The following SAMMSON variants were observed in gnomAD, a reference collection of about 807,000 sequenced individuals.
SAMMSON encodes survival associated mitochondrial melanoma specific oncogenic non-coding RNA, also known as long intergenic non-protein coding RNA 1212.
At chr3:70,285,172 G>A (rs1702130980) in intron 6 of SAMMSON, among the ~76,000 whole-genome samples, 1 of 149,560 alleles carries the variant, frequency 6.7e-6, no homozygotes, top group East Asian at 2.0e-4. Flanking sequence ...TTGTCATCTA[G>A]CATTAGGTAT....
At chr3:70,262,838 C>T (rs149041863) in intron 6 of SAMMSON, among the ~76,000 whole-genome samples, 6 of 152,188 alleles carry the variant, frequency 3.9e-5, no homozygotes, top group Admixed American at 3.9e-4. Flanking sequence ...TGTTAGATGA[C>T]CTGATATTGT....
At chr3:70,299,603 G>C (rs1379046745) in intron 7 of SAMMSON, among the ~76,000 whole-genome samples, 1 of 152,082 alleles carries the variant, frequency 6.6e-6, no homozygotes, top group Non-Finnish European at 1.5e-5. Flanking sequence ...TTGGGTGCCA[G>C]CCCTTTGTTT....
intron 4 of SAMMSON, among the ~76,000 whole-genome samples, chr3:70,151,434 A>G (rs1018023896): frequency 6.6e-6 from 1 of 152,004 alleles, no homozygotes; most frequent in Non-Finnish European, 1.5e-5. Flanking sequence ...ATGAGTTACA[A>G]TCCCAACTGG....
At chr3:70,221,677 G>T (rs1701460893) in intron 4 of SAMMSON, among the ~76,000 whole-genome samples, 1 of 152,172 alleles carries the variant, frequency 6.6e-6, no homozygotes, top group Admixed American at 6.5e-5. Context: ...ACTGGTCAAT[G>T]ATGCCAAGGT....
At chr3:70,275,069 G>A (rs1702009996) in intron 6 of SAMMSON, among the ~76,000 whole-genome samples, 2 of 152,158 alleles carry the variant, frequency 1.3e-5, no homozygotes, top group Admixed American at 1.3e-4. Context: ...ATATAAGCCT[G>A]CAGCTGTTAT....
intron 4 of SAMMSON, among the ~76,000 whole-genome samples, chr3:70,124,496 T>A (rs2067447378): frequency 6.6e-6 from 1 of 152,150 alleles, no homozygotes; most frequent in Admixed American, 6.5e-5. Context: ...CATGTAAGCA[T>A]TCTTTTATTA....
At chr3:70,424,382 CTTTAAAATA>C (rs1701337791) in intron 2 of SAMMSON, among the ~76,000 whole-genome samples, 1 of 152,130 alleles carries the variant, frequency 6.6e-6, no homozygotes, top group Non-Finnish European at 1.5e-5. Flanking sequence ...ATTTAGGAAT[CTTTAAAATA>C]TTTAATTTGG....
At chr3:70,089,173 A>T (rs975856837) in intron 4 of SAMMSON, among the ~76,000 whole-genome samples, 12 of 152,196 alleles carry the variant, frequency 7.9e-5, no homozygotes, top group Non-Finnish European at 4.4e-5. Flanking sequence ...CCAAGAAGAT[A>T]GGTTTATTTG....
At chr3:70,293,101 A>C (rs1477494233) in intron 7 of SAMMSON, among the ~76,000 whole-genome samples, 2 of 151,208 alleles carry the variant, frequency 1.3e-5, no homozygotes, top group African/African-American at 2.4e-5. Flanking sequence ...GAAGAAAGAA[A>C]ATTCAGTATT....
At chr3:70,417,905 C>T (rs1701278783) in intron 2 of SAMMSON, among the ~76,000 whole-genome samples, 1 of 152,110 alleles carries the variant, frequency 6.6e-6, no homozygotes, top group African/African-American at 2.4e-5. Context: ...TGAACAGCTC[C>T]CTCATCCTGA....
At chr3:70,032,346 T>C (rs764657121) in intron 3 of SAMMSON, among the ~76,000 whole-genome samples, 1 of 152,194 alleles carries the variant, frequency 6.6e-6, no homozygotes, top group Non-Finnish European at 1.5e-5. Context: ...TAAATTATTT[T>C]AAAGGTAACT....
chr3:70,253,125 G>C (rs2106653707), intron 6 of SAMMSON, among the ~76,000 whole-genome samples: 1 of 152,192 alleles, frequency 6.6e-6, no homozygotes, highest in Admixed American at 6.5e-5. Flanking sequence ...AAATAAAAAA[G>C]TATTTTGGAT....
chr3:70,161,219 G>C (rs1037589976), intron 4 of SAMMSON, among the ~76,000 whole-genome samples: 5 of 151,990 alleles, frequency 3.3e-5, no homozygotes, highest in Non-Finnish European at 7.4e-5. Flanking sequence ...TTGTTGAAAA[G>C]AGGTGGTGAG....
chr3:70,366,599 C>T (rs1215469000), intron 9 of SAMMSON, among the ~76,000 whole-genome samples: 1 of 146,746 alleles, frequency 6.8e-6, no homozygotes, highest in Non-Finnish European at 1.5e-5. Flanking sequence ...TGAAGGACAT[C>T]TTGGTGGTTA....
intron 7 of SAMMSON, among the ~76,000 whole-genome samples, chr3:70,326,274 A>G (rs192606088): frequency 7.8e-4 from 119 of 152,210 alleles, no homozygotes; most frequent in African/African-American, 2.8e-3. Context: ...TGGGTTTGAC[A>G]TTCCAGCTAT....
At chr3:70,041,595 G>A (rs186732318) in intron 3 of SAMMSON, among the ~76,000 whole-genome samples, 124 of 151,768 alleles carry the variant, frequency 8.2e-4, no homozygotes, top group Middle Eastern at 3.4e-3. Context: ...TGAATCTGTG[G>A]ATTCGAGCAA....
intron 4 of SAMMSON, among the ~76,000 whole-genome samples, chr3:70,098,653 C>T (rs930739257): frequency 1.3e-4 from 20 of 152,110 alleles, no homozygotes; most frequent in African/African-American, 4.8e-4. Context: ...AGGTGTGAGC[C>T]ACCACGCCCG....
intron 4 of SAMMSON, among the ~76,000 whole-genome samples, chr3:70,241,941 A>G (rs779638853): frequency 1.3e-5 from 2 of 152,218 alleles, no homozygotes; most frequent in African/African-American, 4.8e-5. Context: ...TCTAAACTGT[A>G]TAATAACATT....
chr3:70,132,796 A>G (rs2067488046), intron 4 of SAMMSON, among the ~76,000 whole-genome samples: 1 of 151,914 alleles, frequency 6.6e-6, no homozygotes, highest in South Asian at 2.1e-4. Flanking sequence ...AAAAGAAAAA[A>G]AAAACAATTT....
Sources: gnomAD v4.1 joint callset for allele counts (sites outside exome capture counted in the v4.1 genomes callset) on GRCh38, gnomAD v4.1.1 for gene constraint, MANE v1.5 for transcripts, NCBI Gene and HGNC (gene_info 2026-07-23, HGNC 2026-07-21) for gene names.